Variants in ASIC2 observed in about 807,000 individuals in gnomAD.
ASIC2 encodes the protein acid sensing ion channel subunit 2.
A neutral mutation model predicts 57.3 loss-of-function variants in ASIC2; 25 were observed. The ratio of observed to expected loss-of-function variants is 0.44; its 90% CI spans 0.32 to 0.61. ASIC2 has a LOEUF of 0.61. ASIC2 is among the 20% of genes least tolerant of loss of function. The probability of loss-of-function intolerance (pLI) is 0.06; values close to 1 mark genes in which losing one functional copy is unlikely to be tolerated. For synonymous variants in ASIC2, 319 were observed against 307.5 expected (o/e 1.04, Z -0.39); for missense variants, 641 against 738.1 (o/e 0.87, Z 1.52).
At chr17:33,863,173 A>G in intron 1 of ASIC2, among the ~76,000 whole-genome samples, 1 of 152,244 alleles carries the variant, frequency 6.6e-6, no homozygotes, top group East Asian at 1.9e-4. Context: ...GAGCAGTTGG[A>G]AGAAGAAAGG....
chr17:33,360,073 C>T (rs759719217), intron 1 of ASIC2, among the ~76,000 whole-genome samples: 32 of 152,162 alleles, frequency 2.1e-4, no homozygotes, highest in Non-Finnish European at 4.3e-4. Context: ...ACATGTGTCA[C>T]TGATAGTAGA....
At chr17:33,353,045 C>T (rs1048407700) in intron 1 of ASIC2, among the ~76,000 whole-genome samples, 7 of 152,156 alleles carry the variant, frequency 4.6e-5, no homozygotes, top group African/African-American at 4.8e-5. Flanking sequence ...GCTCCTTAAG[C>T]GTCCTGACTT....
At chr17:33,424,805 C>A (rs1911163118) in intron 1 of ASIC2, among the ~76,000 whole-genome samples, 1 of 152,182 alleles carries the variant, frequency 6.6e-6, no homozygotes, top group Non-Finnish European at 1.5e-5. Flanking sequence ...ACCCCCACAG[C>A]CACCTTTGTT....
chr17:33,572,501 C>T (rs1479582173), intron 1 of ASIC2, among the ~76,000 whole-genome samples: 1 of 152,136 alleles, frequency 6.6e-6, no homozygotes, highest in East Asian at 1.9e-4. Flanking sequence ...ATAGGCTTCC[C>T]CAAGCATGGC....
At chr17:33,200,287 G>A (rs1343145060) in intron 1 of ASIC2, among the ~76,000 whole-genome samples, 1 of 152,162 alleles carries the variant, frequency 6.6e-6, no homozygotes, top group Non-Finnish European at 1.5e-5. Flanking sequence ...CATTTTATGA[G>A]TTTGTTGACT....
At chr17:34,078,704 G>A (rs1466244292) in intron 1 of ASIC2, among the ~76,000 whole-genome samples, 1 of 152,144 alleles carries the variant, frequency 6.6e-6, no homozygotes, top group Non-Finnish European at 1.5e-5. Flanking sequence ...TCACCCGTAA[G>A]TGCAGGAGCT....
At chr17:33,025,862 A>G (rs926221648) in intron 5 of ASIC2, 64 bp downstream of exon 5, 40 of 1,457,120 alleles carry the variant, frequency 2.7e-5, no homozygotes, top group Non-Finnish European at 3.1e-5. Flanking sequence ...AACCCAGATG[A>G]TTTCCATGAT....
At chr17:33,970,754 A>G (rs1567773599) in intron 1 of ASIC2, among the ~76,000 whole-genome samples, 1 of 152,230 alleles carries the variant, frequency 6.6e-6, no homozygotes, top group Non-Finnish European at 1.5e-5. Flanking sequence ...CAGAGCCAGC[A>G]GGGAAAGGTG....
upstream of ASIC2, among the ~76,000 whole-genome samples, chr17:33,298,286 C>G (rs1286122087): frequency 6.6e-6 from 1 of 152,070 alleles, no homozygotes; most frequent in East Asian, 1.9e-4. Context: ...CCACGACAAG[C>G]CCTTCCTGTG....
chr17:33,244,553 C>T (rs1908624332), intron 1 of ASIC2, among the ~76,000 whole-genome samples: 1 of 152,230 alleles, frequency 6.6e-6, no homozygotes, highest in Non-Finnish European at 1.5e-5. Context: ...ACACAAAGCT[C>T]ACACACAATC....
At chr17:33,121,292 A>G (rs1481492451) in intron 1 of ASIC2, among the ~76,000 whole-genome samples, 4 of 152,222 alleles carry the variant, frequency 2.6e-5, no homozygotes, top group African/African-American at 9.6e-5. Context: ...CAGGAACCAC[A>G]TCAGGCCTTG....
chr17:33,802,305 G>A (rs752915003), intron 1 of ASIC2, among the ~76,000 whole-genome samples: 2 of 152,216 alleles, frequency 1.3e-5, no homozygotes, highest in African/African-American at 4.8e-5. Context: ...GCCTAGGTGC[G>A]TAGTGAGCTG....
chr17:33,434,230 T>C (rs1911524081), intron 1 of ASIC2, among the ~76,000 whole-genome samples: 1 of 151,994 alleles, frequency 6.6e-6, no homozygotes, highest in Non-Finnish European at 1.5e-5. Flanking sequence ...TACATAATAA[T>C]AGAAGTCCCT....
chr17:33,740,846 A>T (rs1470882462), intron 1 of ASIC2, among the ~76,000 whole-genome samples: 1 of 152,226 alleles, frequency 6.6e-6, no homozygotes, highest in African/African-American at 2.4e-5. Flanking sequence ...TTGGCTATAT[A>T]GGAAAATGAA....
In ASIC2 at chr17:33,268,660, G is replaced by T. The variant is rs116263507; in HGVS notation, c.708+22748C>A. Among the ~76,000 whole-genome samples, 217 of 152,208 alleles carry T rather than the reference G, an allele frequency of 1.4e-3. 2 individuals carry two copies. The highest frequency in any genetic ancestry group is 5.0e-3 in the African/African-American group (206 of 41,528). On this transcript the variant is annotated intron_variant, in intron 1 of 9. Transcript: ENST00000225823. ...CACTTTGGAGGGGATTTTTTTAAGA[G>T]CAAAGTTTGAAGGACACTAACACAT... is the stretch of plus-strand genomic sequence containing the variant.
intron 1 of ASIC2, among the ~76,000 whole-genome samples, chr17:33,423,414 G>A (rs1399643928): frequency 6.6e-6 from 1 of 152,178 alleles, no homozygotes; most frequent in East Asian, 1.9e-4. Flanking sequence ...TAAAAATCAT[G>A]TAAATAATGT....
At chr17:33,782,161 A>G (rs1468720047) in intron 1 of ASIC2, among the ~76,000 whole-genome samples, 1 of 152,150 alleles carries the variant, frequency 6.6e-6, no homozygotes, top group Non-Finnish European at 1.5e-5. Context: ...TTTAATTTTA[A>G]TGAAGTCCAA....
At chr17:34,136,143 C>T (rs1912120000) in intron 1 of ASIC2, among the ~76,000 whole-genome samples, 1 of 152,150 alleles carries the variant, frequency 6.6e-6, no homozygotes, top group Non-Finnish European at 1.5e-5. Flanking sequence ...ATAAGACTGA[C>T]AAAGCAGACT....
chr17:34,071,827 C>A (rs1243994358), intron 1 of ASIC2: 4 of 147,116 alleles, frequency 2.7e-5, no homozygotes, highest in African/African-American at 2.5e-5. Context: ...GAGACTCCAT[C>A]AAAAAAAAAA....
Sources: allele counts gnomAD v4.1 joint callset (sites outside exome capture counted in the v4.1 genomes callset), GRCh38; gene constraint gnomAD v4.1.1; transcripts MANE v1.5; gene names NCBI Gene and HGNC (gene_info 2026-07-23, HGNC 2026-07-21).